The following ADGRE2 variants were observed in gnomAD, a reference collection of about 807,000 sequenced individuals.
The protein encoded by ADGRE2 is CD97 antigen.
In ADGRE2, 83 loss-of-function variants were observed where a neutral mutation model predicts 100.8. The observed-to-expected ratio is 0.82, with a 90% CI of 0.69 to 0.99. ADGRE2 has a LOEUF of 0.99. Among genes scored for constraint, ADGRE2 ranks in the 50% least tolerant of loss-of-function variants. The probability of loss-of-function intolerance (pLI) is 0.00; values close to 1 mark genes in which losing one functional copy is unlikely to be tolerated. For synonymous variants in ADGRE2, 355 were observed against 413.0 expected (o/e 0.86, Z 1.70); for missense variants, 814 against 1,035.7 (o/e 0.79, Z 2.94).
chr19:14,764,004 C>T (rs117393915), intron 11 of ADGRE2, among the ~76,000 whole-genome samples: 1 of 145,540 alleles, frequency 6.9e-6, no homozygotes, highest in Non-Finnish European at 1.5e-5. Context: ...TCCTCTTTAT[C>T]CTCCTCCTCC....
Position 14,774,374 on chromosome 19 carries a change from C to T in ADGRE2, c.32-68G>A, listed in dbSNP as rs953186910. On this transcript the variant is annotated intron_variant, in intron 2 of 20. Transcript: ENST00000315576. ...TGGGAAAGGAGGCGTAAGGGTGATG[C>T]ACTTTGTGGGAGGAGGATGCTGACC... The T allele has an allele frequency of 2.9e-6, 4 of 1,368,902 alleles. No homozygotes were observed. The East Asian group carries it at 9.8e-5, about 34-fold the overall frequency. 84.8% of individuals were successfully genotyped at this position (1,368,902 alleles called of 1,614,324 possible). A position where few individuals can be genotyped will look rare whatever the true frequency, so the allele number is the denominator to read the frequency against.
At chr19:14,739,189 C>T (rs1405153568) in intron 20 of ADGRE2, among the ~76,000 whole-genome samples, 1 of 151,650 alleles carries the variant, frequency 6.6e-6, no homozygotes, top group Non-Finnish European at 1.5e-5. Flanking sequence ...AGGCTGGTCT[C>T]GAACTCCTGA....
chr19:14,747,432 C>T (rs1194133920), intron 16 of ADGRE2, among the ~76,000 whole-genome samples: 1 of 152,012 alleles, frequency 6.6e-6, no homozygotes, highest in Non-Finnish European at 1.5e-5. Flanking sequence ...TCCAGGAGGT[C>T]GAGACTGCAG....
At chr19:14,727,024 C>CTTTTTTTTTTT in the ADGRE2 span, among the ~76,000 whole-genome samples, 1 of 70,098 alleles carries the variant, frequency 1.4e-5, no homozygotes, top group Non-Finnish European at 2.5e-5. Flanking sequence ...AGAAAAGAGG[C>CTTTTTTTTTTT]TTTTTTTTTT....
intron 13 of ADGRE2, among the ~76,000 whole-genome samples, 158 bp from the exon 14 acceptor site, chr19:14,755,285 A>C (rs375227580): frequency 8.3e-5 from 8 of 96,256 alleles, no homozygotes; most frequent in African/African-American, 2.3e-4. Context: ...AAAAAAAAAA[A>C]AAAAAAAAAA....
At position 14,756,393 on chromosome 19, in the gene ADGRE2, C is replaced by T. The variant is rs768620078; in HGVS notation, c.1085-48G>A. 9 of 1,293,572 alleles carry T rather than the reference C, an allele frequency of 7.0e-6. No homozygotes were observed. In the East Asian group the frequency reaches 1.4e-4, roughly 20 times the overall value. 80.1% of individuals were successfully genotyped at this position (1,293,572 alleles called of 1,614,324 possible). ...AAGGGGGGTTAGGTTAGGAATCGTG[C>T]CTGCAGTGGTTGATATACTATGACT... On this transcript the variant is annotated intron_variant, in intron 11 of 20. Transcript: ENST00000315576.
In ADGRE2 at chr19:14,765,313, T is replaced by A. The variant is rs117165240; in HGVS notation, c.906+7A>T. ...CCTCGCCCCCTTGCCCTGGGTCCTG[T>A]CCTTACCTGGATGGTGTTATTGGCC... On this transcript the variant is annotated splice_region_variant and intron_variant, in intron 10 of 20. Transcript: ENST00000315576. 1 of 1,613,840 alleles carries A rather than the reference T, an allele frequency of 6.2e-7. No individual in the cohort carries two copies.
intron 10 of ADGRE2, 39 bp from the exon 11 acceptor site, chr19:14,764,649 C>T: frequency 6.3e-7 from 1 of 1,575,300 alleles, no homozygotes; most frequent in Non-Finnish European, 8.6e-7. Flanking sequence ...AGCCATGGGC[C>T]AGAGGGCCCG....
chr19:14,761,414 G>GACA (rs370415786), intron 11 of ADGRE2, among the ~76,000 whole-genome samples: 2 of 151,538 alleles, frequency 1.3e-5, no homozygotes, highest in East Asian at 1.9e-4. Context: ...TCCAACAGAA[G>GACA]ACAACAACAA....
downstream of ADGRE2, among the ~76,000 whole-genome samples, chr19:14,728,907 C>T (rs550163925): frequency 6.6e-6 from 1 of 152,290 alleles, no homozygotes; most frequent in East Asian, 1.9e-4. Flanking sequence ...ATGTCCTTCC[C>T]CCATGGGCTG....
chr19:14,752,552 C>T, intron 14 of ADGRE2, 26 bp from the exon 15 acceptor site: 1 of 1,610,408 alleles, frequency 6.2e-7, no homozygotes, highest in Non-Finnish European at 8.5e-7. Context: ...GAAGAGTTCA[C>T]AGTGATGCTT....
intron 14 of ADGRE2, 141 bp downstream of exon 14, chr19:14,754,813 G>T: frequency 1.1e-6 from 1 of 878,398 alleles, no homozygotes; most frequent in Non-Finnish European, 1.7e-6. Context: ...AAGACCCTGA[G>T]CAGAAAAGCC....
intron 14 of ADGRE2, among the ~76,000 whole-genome samples, chr19:14,753,449 C>T (rs868542913): frequency 3.9e-5 from 6 of 151,918 alleles, no homozygotes; most frequent in South Asian, 2.1e-4. Flanking sequence ...CCCTTTCTCC[C>T]GCAGGATATG....
intron 13 of ADGRE2, 33 bp from the exon 14 acceptor site, chr19:14,755,160 A>G (rs749359963): frequency 2.0e-5 from 32 of 1,598,180 alleles, no homozygotes; most frequent in Non-Finnish European, 2.7e-5. Flanking sequence ...TGGGCTGGGC[A>G]TGGTGGCTCA....
chr19:14,767,159 T>G, intron 5 of ADGRE2, 50 bp from the exon 6 acceptor site: 1 of 1,596,904 alleles, frequency 6.3e-7, no homozygotes, highest in Non-Finnish European at 8.5e-7. Context: ...TGAGCAGCTT[T>G]CGGGGCTGAG....
intron 11 of ADGRE2, among the ~76,000 whole-genome samples, chr19:14,760,564 C>G (rs1163149338): frequency 6.6e-6 from 1 of 152,106 alleles, no homozygotes; most frequent in Middle Eastern, 3.4e-3. Flanking sequence ...GTTATTCAAC[C>G]CAAAATGTGT....
chr19:14,765,742 C>CGGTGT lies in ADGRE2; in HGVS notation c.692_696dup (p.Val233ThrfsTer32), dbSNP rs1259806525. The CGGTGT allele has an allele frequency of 6.2e-7, 1 of 1,613,058 alleles. No individual in the cohort carries two copies. Among genetic ancestry groups the CGGTGT allele is most frequent in the African/African-American group, 1.3e-5 (1 of 74,886 alleles). On this transcript the variant is annotated frameshift_variant, in exon 8 of 21. Coordinates refer to ENST00000315576, the MANE Select transcript of ADGRE2 (RefSeq NM_013447.4). LOFTEE classifies it high-confidence loss of function. ...CGGCAGCGGCAGCTGTATGAACCCA[C>CGGTGT]GGTGTTGAAGCAGACGGTGGAGCTG...
At chr19:14,752,255 A>G in intron 15 of ADGRE2, 74 bp downstream of exon 15, 1 of 1,567,806 alleles carries the variant, frequency 6.4e-7, no homozygotes, top group Non-Finnish European at 8.7e-7. Context: ...TAAGGAATCA[A>G]ATGCCGCATC....
chr19:14,749,619 G>C lies in ADGRE2; in HGVS notation c.2024+1817C>G, dbSNP rs952594817. ...TAGCTATGTTATATAATTATTTATAGTTACATAATTATTTATAGCTATGTT... is the reference window on the plus strand; with the variant it reads ...TAGCTATGTTATATAATTATTTATACTTACATAATTATTTATAGCTATGTT... On this transcript the variant is annotated intron_variant, in intron 16 of 20. Coordinates refer to ENST00000315576, the MANE Select transcript of ADGRE2 (RefSeq NM_013447.4). Among the ~76,000 whole-genome samples the C allele has an allele frequency of 2.1e-5, 3 of 142,786 alleles. No individual in the cohort carries two copies. The East Asian group carries it at 6.3e-4, about 30-fold the overall frequency. The allele number at this position is 142,786 out of a possible 152,430, so 93.7% of individuals were successfully genotyped here.
Sources: allele counts gnomAD v4.1 joint callset (sites outside exome capture counted in the v4.1 genomes callset), GRCh38; gene constraint gnomAD v4.1.1; transcripts MANE v1.5; gene names NCBI Gene and HGNC (gene_info 2026-07-23, HGNC 2026-07-21).